NLGN4Y: variants seen among roughly 807,000 people sequenced by gnomAD.
NLGN4Y encodes the protein neuroligin 4 Y-linked, also known as neuroligin-4, Y-linked.
Under a neutral mutation model 8.4 loss-of-function variants are expected in NLGN4Y, and 4 were observed. The observed-to-expected ratio is 0.48, with a 90% CI of 0.23 to 1.09. The LOEUF is 1.09. NLGN4Y is among the 50% of genes least tolerant of loss of function. NLGN4Y has a pLI of 0.19. For missense variants in NLGN4Y, 90 were observed against 192.3 expected (o/e 0.47, Z 3.15); for synonymous variants, 35 against 75.6 (o/e 0.46, Z 2.78).
intron 4 of NLGN4Y, 147 bp downstream of exon 4, chrY:14,723,416 T>C (rs2080945264): frequency 6.1e-6 from 1 of 164,705 alleles, no homozygotes; most frequent in Admixed American, 1.2e-4. Context: ...TTATCAGGTA[T>C]GTTTTTTCCT....
At chrY:14,580,638 A>G (rs2080315207) in intron 1 of NLGN4Y, among the ~76,000 whole-genome samples, 1 of 32,047 alleles carries the variant, frequency 3.1e-5, no homozygotes, top group Non-Finnish European at 7.6e-5. Flanking sequence ...TTGGTCTGCA[A>G]TGCAGACCGG....
chrY:14,564,914 C>G (rs2080245985), intron 1 of NLGN4Y, among the ~76,000 whole-genome samples: 1 of 32,968 alleles, frequency 3.0e-5, no homozygotes, highest in Admixed American at 2.8e-4. Flanking sequence ...AGTGGACCTC[C>G]AGCAAACTCT....
At chrY:14,641,864 A>C in intron 2 of NLGN4Y, among the ~76,000 whole-genome samples, 1 of 33,680 alleles carries the variant, frequency 3.0e-5, no homozygotes, top group Non-Finnish European at 7.4e-5. Context: ...AGTGAAAGAC[A>C]CTGCCTTTGT....
chrY:14,704,224 C>A, intron 2 of NLGN4Y, among the ~76,000 whole-genome samples: 1 of 33,062 alleles, frequency 3.0e-5, no homozygotes, highest in African/African-American at 1.2e-4. Flanking sequence ...GAGAGGGCAA[C>A]CCTGTCTTGT....
chrY:14,525,938 GT>G (rs2080091832), intron 1 of NLGN4Y, among the ~76,000 whole-genome samples: 1 of 33,618 alleles, frequency 3.0e-5, no homozygotes, highest in African/African-American at 1.2e-4. Flanking sequence ...GGAATTGCCA[GT>G]TTGTGTGGTC....
chrY:14,584,730 G>C, intron 1 of NLGN4Y, among the ~76,000 whole-genome samples: 1 of 33,051 alleles, frequency 3.0e-5, no homozygotes, highest in East Asian at 7.9e-4. Context: ...TTGTAAAAAT[G>C]ATATGTTTAA....
intron 2 of NLGN4Y, among the ~76,000 whole-genome samples, chrY:14,697,483 G>A (rs2080833597): frequency 5.7e-5 from 1 of 17,604 alleles, no homozygotes; most frequent in African/African-American, 3.0e-4. Context: ...ATATAGATAA[G>A]CAGATAGGTG....
chrY:14,733,394 G>A, intron 4 of NLGN4Y: 14 of 191,143 alleles, frequency 7.3e-5, no homozygotes, highest in Non-Finnish European at 1.1e-4. Flanking sequence ...AGAGAACATG[G>A]GTTCACAAAG....
At chrY:14,736,994 G>T (rs2080993301) in intron 4 of NLGN4Y, among the ~76,000 whole-genome samples, 3 of 33,068 alleles carry the variant, frequency 9.1e-5, no homozygotes, top group Admixed American at 2.8e-4. Context: ...GGATTCTTTG[G>T]GAAATCATCT....
intron 4 of NLGN4Y, among the ~76,000 whole-genome samples, chrY:14,744,555 C>T: frequency 3.0e-5 from 1 of 33,397 alleles, no homozygotes; most frequent in Non-Finnish European, 7.4e-5. Flanking sequence ...AAGCCCAGTG[C>T]GCTCTTAGTT....
chrY:14,756,399 A>T (rs2081056904), intron 4 of NLGN4Y, among the ~76,000 whole-genome samples: 4 of 32,787 alleles, frequency 1.2e-4, no homozygotes, highest in Admixed American at 1.2e-3. Context: ...TATTCTCTGG[A>T]TTCCACTGTT....
rs2150558551 is a variant in NLGN4Y at position 14,729,980 on chromosome Y, C to T, written c.685+6711C>T. 4.7e-4 allele frequency among the ~76,000 whole-genome samples: 16 copies of T among 34,013 alleles called. No homozygotes were observed. In the South Asian group the frequency reaches 0.01, roughly 22 times the overall value. 91.3% of individuals were successfully genotyped at this position (34,013 alleles called of 37,273 possible). A position where few individuals can be genotyped will look rare whatever the true frequency, so the allele number is the denominator to read the frequency against. On this transcript the variant is annotated intron_variant, in intron 4 of 6. Transcript: ENST00000684976. ...AGCTACAAGCTATATTTTGTATTTG[C>T]ATCCACTGTTTTGTTAGCAGATGTA...
At chrY:14,565,203 C>T (rs2080247207) in intron 1 of NLGN4Y, among the ~76,000 whole-genome samples, 1 of 30,901 alleles carries the variant, frequency 3.2e-5, no homozygotes, top group Non-Finnish European at 7.7e-5. Flanking sequence ...GTTCAGAAGG[C>T]GGGTAATAAC....
intron 4 of NLGN4Y, among the ~76,000 whole-genome samples, chrY:14,761,796 T>A (rs781304455): frequency 2.6e-4 from 9 of 33,974 alleles, no homozygotes; most frequent in Non-Finnish European, 4.4e-4. Flanking sequence ...CAGATACCAG[T>A]ACATAAATAG....
chrY:14,819,343 C>G (rs2150591154), intron 4 of NLGN4Y, among the ~76,000 whole-genome samples: 1 of 33,967 alleles, frequency 2.9e-5, no homozygotes, highest in South Asian at 6.4e-4. Context: ...CACTAAAGGC[C>G]AGGGTTTGAT....
chrY:14,830,777 T>C (rs2043177045), intron 6 of NLGN4Y, among the ~76,000 whole-genome samples: 3 of 34,173 alleles, frequency 8.8e-5, no homozygotes, highest in African/African-American at 3.4e-4. Flanking sequence ...GATTTCTAAT[T>C]GCCCATTAGA....
At chrY:14,587,828 C>T (rs778691815) in intron 1 of NLGN4Y, among the ~76,000 whole-genome samples, 20 of 32,913 alleles carry the variant, frequency 6.1e-4, no homozygotes, top group Non-Finnish European at 1.3e-3. Context: ...CCCTCTCTGC[C>T]GTCTTTACAG....
intron 4 of NLGN4Y, among the ~76,000 whole-genome samples, chrY:14,818,260 C>G: frequency 3.1e-5 from 1 of 32,461 alleles, no homozygotes. Flanking sequence ...CCAGCTTTGG[C>G]TAATATGTCC....
At chrY:14,665,946 C>T in intron 2 of NLGN4Y, among the ~76,000 whole-genome samples, 1 of 33,646 alleles carries the variant, frequency 3.0e-5, no homozygotes. Context: ...ACAATGGTTT[C>T]TGCAATAGGG....
Sources: allele counts gnomAD v4.1 joint callset (sites outside exome capture counted in the v4.1 genomes callset), GRCh38; gene constraint gnomAD v4.1.1; transcripts MANE v1.5; gene names NCBI Gene and HGNC (gene_info 2026-07-23, HGNC 2026-07-21).